Variants in ARFGEF1 observed in about 807,000 individuals in gnomAD.
ARFGEF1 encodes the protein brefeldin A-inhibited guanine nucleotide-exchange protein 1.
In ARFGEF1, 42 loss-of-function variants were observed where a neutral mutation model predicts 231.0. The ratio of observed to expected loss-of-function variants is 0.18; its 90% CI spans 0.14 to 0.24. ARFGEF1 has a LOEUF of 0.24. Among genes scored for constraint, ARFGEF1 ranks in the 10% least tolerant of loss-of-function variants. The pLI, the probability that ARFGEF1 is intolerant of heterozygous loss-of-function variation, is 1.00. For missense variants in ARFGEF1, 1,345 were observed against 2,192.0 expected (o/e 0.61, Z 7.72); for synonymous variants, 710 against 732.3 (o/e 0.97, Z 0.49).
At chr8:67,318,067 C>T (rs936616996) in intron 1 of ARFGEF1, among the ~76,000 whole-genome samples, 1 of 150,804 alleles carries the variant, frequency 6.6e-6, no homozygotes, top group African/African-American at 2.4e-5. Flanking sequence ...GAAACCCCAT[C>T]TCTACTAAAA....
At chr8:67,305,561 G>A (rs1286146883) in intron 1 of ARFGEF1, among the ~76,000 whole-genome samples, 1 of 152,102 alleles carries the variant, frequency 6.6e-6, no homozygotes, top group African/African-American at 2.4e-5. Context: ...TGGTCAGGCT[G>A]GTCTTGAACT....
chr8:67,238,968 G>T, intron 20 of ARFGEF1, 75 bp from the exon 21 acceptor site: 57 of 1,063,094 alleles, frequency 5.4e-5, no homozygotes, highest in East Asian at 1.9e-4. Flanking sequence ...AACAAACTCT[G>T]TTTACTTGTT....
At position 67,253,566 on chromosome 8, in the gene ARFGEF1, G is replaced by A. The variant is rs1283468599; in HGVS notation, c.2583C>T (p.Asp861=). ...GATACTCTTCAGGAAGGTCTTTACTGTCATTGATACCTCTATTCATCTTAA... is the reference window on the plus strand; with the variant it reads ...GATACTCTTCAGGAAGGTCTTTACTATCATTGATACCTCTATTCATCTTAA... ...QYIKMNRGIN[D]SKDLPEEYLS... Residue 861 remains aspartate (D), a synonymous_variant, in exon 18 of 39, where the codon GAC becomes GAT. Coordinates refer to ENST00000262215, the MANE Select transcript of ARFGEF1 (RefSeq NM_006421.5). The A allele has an allele frequency of 2.5e-6, 4 of 1,582,450 alleles. No homozygotes were observed. The African/African-American group carries it at 4.0e-5, about 16-fold the overall frequency.
rs759120841 is a variant in ARFGEF1, at chr8:67,204,884, CATG to C, written c.4820-68_4820-66del. On this transcript the variant is annotated intron_variant, in intron 34 of 38. Coordinates refer to ENST00000262215, the MANE Select transcript of ARFGEF1 (RefSeq NM_006421.5). ...ATTATTTTGAATCCTTTATAATTTCCATGATATTACAATGCTAAGGAAACATCA... is the reference window on the plus strand; with the variant it reads ...ATTATTTTGAATCCTTTATAATTTCCATATTACAATGCTAAGGAAACATCA... The C allele has an allele frequency of 3.6e-5, 57 of 1,567,676 alleles. 2 individuals carry two copies. The South Asian group carries it at 6.1e-4, about 17-fold the overall frequency.
intron 1 of ARFGEF1, among the ~76,000 whole-genome samples, chr8:67,334,867 G>T (rs1328858372): frequency 6.6e-6 from 1 of 152,074 alleles, no homozygotes; most frequent in East Asian, 1.9e-4. Flanking sequence ...ACAGAAAATA[G>T]ATTAGTGAAT....
chr8:67,306,927 C>T (rs909964675), intron 1 of ARFGEF1, among the ~76,000 whole-genome samples: 1 of 152,082 alleles, frequency 6.6e-6, no homozygotes, highest in Non-Finnish European at 1.5e-5. Flanking sequence ...ACGGGGTGCC[C>T]GCCACCAAGC....
downstream of ARFGEF1, among the ~76,000 whole-genome samples, chr8:67,196,672 T>C (rs1390178532): frequency 6.6e-6 from 1 of 152,230 alleles, no homozygotes; most frequent in Non-Finnish European, 1.5e-5. Flanking sequence ...GTTTGTTTGC[T>C]TTACTCGTAA....
rs200846406 is a variant in ARFGEF1 at position 67,226,140 on chromosome 8, G to T, written c.3960C>A (p.Phe1320Leu). 3.7e-6 allele frequency: 6 copies of T among 1,611,578 alleles called. No homozygotes were observed. The South Asian group carries it at 6.6e-5, about 18-fold the overall frequency. The stretch of plus-strand genomic sequence containing the variant: ...CAGACAAACACTTCACTGCATCCTG[G>T]AAAGAATCAATGGTCGCTGGAAAGT... ...EKHFPATIDS[F>L]QDAVKCLSEF... The change falls in exon 28 of 39, where the codon TTC (phenylalanine) becomes TTA (leucine). Residue 1320 changes from phenylalanine (F) to leucine (L), a missense_variant. By Grantham distance (22) the Phe-to-Leu change is conservative. This residue lies in a region of ARFGEF1 where 142 missense variants were observed against 227.3 expected (regional missense o/e 0.62). Coordinates refer to ENST00000262215, the MANE Select transcript of ARFGEF1 (RefSeq NM_006421.5).
chr8:67,220,357 A>C (rs1222483769), intron 29 of ARFGEF1, among the ~76,000 whole-genome samples: 1 of 152,250 alleles, frequency 6.6e-6, no homozygotes, highest in Non-Finnish European at 1.5e-5. Flanking sequence ...TATTTCCAAA[A>C]GTTTGAGAGT....
chr8:67,287,825 AT>A, intron 7 of ARFGEF1, 129 bp downstream of exon 7: 1 of 531,878 alleles, frequency 1.9e-6, no homozygotes, highest in Non-Finnish European at 3.0e-6. Context: ...TAAATGTGGA[AT>A]TTGTAACTTT....
At chr8:67,312,486 G>A (rs551671152) in intron 1 of ARFGEF1, among the ~76,000 whole-genome samples, 13 of 151,776 alleles carry the variant, frequency 8.6e-5, no homozygotes, top group African/African-American at 2.9e-4. Flanking sequence ...AAATCCTAAA[G>A]GAATAAAGGT....
chr8:67,224,968 T>G lies in ARFGEF1; in HGVS notation c.4143A>C (p.Gly1381=). The change falls in exon 29 of 39, where the codon GGA becomes GGC. Residue 1381 remains glycine, a synonymous_variant. Coordinates refer to ENST00000262215, the MANE Select transcript of ARFGEF1 (RefSeq NM_006421.5). ...VAPEDRVWVR[G]WFPILFELSC... ...ATAACTCAAAGAGAATTGGGAACCATCCTCTCACCCACACCCTGTCTTCAG... is the reference window on the plus strand; with the variant it reads ...ATAACTCAAAGAGAATTGGGAACCAGCCTCTCACCCACACCCTGTCTTCAG... The G allele has an allele frequency of 6.2e-7, 1 of 1,607,248 alleles. No homozygotes were observed. Among genetic ancestry groups the G allele is most frequent in the Non-Finnish European group, 8.5e-7 (1 of 1,176,574 alleles).
chr8:67,236,360 AAAAAAATATATATATATATATATATATAT>A (rs1250175240), intron 22 of ARFGEF1, among the ~76,000 whole-genome samples: 3 of 43,276 alleles, frequency 6.9e-5, no homozygotes, highest in Non-Finnish European at 1.3e-4. Flanking sequence ...AAAAAAAAAA[AAAAAAATATATATATATATATATATATAT>A]ATATATATAT....
At position 67,206,471 on chromosome 8, in the gene ARFGEF1, T is replaced by G. The variant is rs139107772; in HGVS notation, c.4820-1652A>C. On this transcript the variant is annotated intron_variant, in intron 34 of 38. Coordinates refer to ENST00000262215, the MANE Select transcript of ARFGEF1 (RefSeq NM_006421.5). ...CACATTACTTCAAAAGTAACCAAACTGCAAAGTAACAAAAGTGCCACCCAT... is the reference window on the plus strand; with the variant it reads ...CACATTACTTCAAAAGTAACCAAACGGCAAAGTAACAAAAGTGCCACCCAT... 3.5e-3 allele frequency among the ~76,000 whole-genome samples: 474 copies of G among 134,914 alleles called. 2 individuals are homozygous for G. Among genetic ancestry groups the G allele is most frequent in the Non-Finnish European group, 6.0e-3 (374 of 62,568 alleles). The allele number at this position is 134,914 out of a possible 152,430, so 88.5% of individuals were successfully genotyped here.
intron 15 of ARFGEF1, among the ~76,000 whole-genome samples, chr8:67,259,389 G>A (rs1229690064): frequency 6.6e-6 from 1 of 152,060 alleles, no homozygotes; most frequent in Non-Finnish European, 1.5e-5. Context: ...ACCACGCCCA[G>A]CTAATTTTTT....
At chr8:67,254,663 CA>C (rs1443856414) in intron 17 of ARFGEF1, among the ~76,000 whole-genome samples, 3 of 152,030 alleles carry the variant, frequency 2.0e-5, no homozygotes, top group African/African-American at 2.4e-5. Context: ...CTGTCTCAAA[CA>C]AAAACAAAAG....
intron 5 of ARFGEF1, 98 bp from the exon 6 acceptor site, chr8:67,292,221 C>A: frequency 1.0e-6 from 1 of 981,854 alleles, no homozygotes. Context: ...AGGTGCCATT[C>A]TCTCTACGCT....
At chr8:67,273,403 G>T (rs369621492) in intron 9 of ARFGEF1, among the ~76,000 whole-genome samples, 190 of 62,194 alleles carry the variant, frequency 3.1e-3, no homozygotes, top group Middle Eastern at 0.027. Flanking sequence ...CTAGCAGTTG[G>T]TTTTTTTTTT....
intron 35 of ARFGEF1, among the ~76,000 whole-genome samples, chr8:67,204,271 GTTAGAGGGCAA>G (rs1838434254): frequency 6.6e-6 from 1 of 152,112 alleles, no homozygotes; most frequent in African/African-American, 2.4e-5. Flanking sequence ...CGTCCAAACA[GTTAGAGGGCAA>G]TTCTCAGGTG....
Sources: gnomAD v4.1 joint callset for allele counts (sites outside exome capture counted in the v4.1 genomes callset) on GRCh38, gnomAD v4.1.1 for gene constraint, gnomAD v4.1.1 regional missense constraint, MANE v1.5 for transcripts, NCBI Gene and HGNC (gene_info 2026-07-23, HGNC 2026-07-21) for gene names.